Variants in SLC14A2 observed in about 807,000 individuals in gnomAD.
SLC14A2 encodes solute carrier family 14 member 2.
A neutral mutation model predicts 104.6 loss-of-function variants in SLC14A2; 91 were observed. The observed-to-expected ratio is 0.87, with a 90% CI of 0.73 to 1.04. The LOEUF is 1.04. SLC14A2 is among the 50% of genes least tolerant of loss of function. The pLI, the probability that SLC14A2 is intolerant of heterozygous loss-of-function variation, is 0.00. For missense variants in SLC14A2, 1,189 were observed against 1,156.0 expected, an observed-to-expected ratio of 1.03 and a Z score of -0.41; for synonymous variants, 476 against 466.4, an observed-to-expected ratio of 1.02 and a Z score of -0.27.
intron 1 of SLC14A2, among the ~76,000 whole-genome samples, chr18:45,316,550 T>C (rs926349629): frequency 6.6e-6 from 1 of 152,226 alleles, no homozygotes; most frequent in African/African-American, 2.4e-5. Flanking sequence ...TGAGGGCATC[T>C]GAGGACCCGA....
At position 45,233,624 on chromosome 18, in the gene SLC14A2, C is replaced by T. The variant is rs565869452; in HGVS notation, c.-125+20433C>T. 1.8e-4 allele frequency among the ~76,000 whole-genome samples: 28 copies of T among 152,304 alleles called. No homozygotes were observed. In the South Asian group the frequency reaches 5.4e-3, roughly 29 times the overall value. On this transcript the variant is annotated intron_variant, in intron 1 of 20. Transcript: ENST00000586448. ...CGATTGGACAAGTGCTTAACATCCT[C>T]ATTAAATTCCTAGTTTCCTTGGGCT...
At chr18:45,335,950 G>A (rs1156234702) in intron 1 of SLC14A2, among the ~76,000 whole-genome samples, 1 of 152,196 alleles carries the variant, frequency 6.6e-6, no homozygotes, top group African/African-American at 2.4e-5. Context: ...GCTTAATGGG[G>A]CGATAACGAG....
the SLC14A2 span, among the ~76,000 whole-genome samples, chr18:45,187,049 GTTGCC>G: frequency 6.6e-6 from 1 of 152,110 alleles, no homozygotes; most frequent in East Asian, 1.9e-4. Context: ...AGAAATTACT[GTTGCC>G]CACCGCAGCA....
chr18:45,666,276 C>A, intron 12 of SLC14A2, 57 bp downstream of exon 12: 2 of 1,165,208 alleles, frequency 1.7e-6, no homozygotes, highest in Non-Finnish European at 2.6e-6. Context: ...GAGCCCACAG[C>A]AGATGAGGGA....
chr18:45,613,385 A>T (rs1319208961), upstream of SLC14A2, among the ~76,000 whole-genome samples: 1 of 152,228 alleles, frequency 6.6e-6, no homozygotes, highest in Non-Finnish European at 1.5e-5. Flanking sequence ...ATAGTGGGAC[A>T]GTGCTATAAA....
the SLC14A2 span, chr18:45,181,020 T>TG: frequency 1.3e-5 from 2 of 152,354 alleles, no homozygotes; most frequent in African/African-American, 4.8e-5. Context: ...TGCACCACTG[T>TG]GGGCCTGGCT....
chr18:45,568,365 G>A (rs12954270), intron 2 of SLC14A2, among the ~76,000 whole-genome samples: 11 of 152,240 alleles, frequency 7.2e-5, no homozygotes, highest in Non-Finnish European at 5.9e-5. Flanking sequence ...CTCCACCAGA[G>A]AAGCAGAGGG....
At chr18:45,221,941 A>C (rs1427496941) in intron 1 of SLC14A2, among the ~76,000 whole-genome samples, 1 of 152,148 alleles carries the variant, frequency 6.6e-6, no homozygotes, top group African/African-American at 2.4e-5. Context: ...CAAAATAAGC[A>C]AGGTTGGAAG....
intron 10 of SLC14A2, among the ~76,000 whole-genome samples, chr18:45,650,825 C>T (rs965752862): frequency 2.6e-5 from 4 of 152,076 alleles, no homozygotes; most frequent in Non-Finnish European, 2.9e-5. Flanking sequence ...CTGAAACCTC[C>T]ACCTCCCAGG....
At chr18:45,564,809 C>A (rs1010453590) in intron 2 of SLC14A2, among the ~76,000 whole-genome samples, 1 of 151,990 alleles carries the variant, frequency 6.6e-6, no homozygotes, top group African/African-American at 2.4e-5. Flanking sequence ...TGGAGGTTCT[C>A]GGGGAGAGAT....
chr18:45,381,969 C>CA (rs2085842852), intron 1 of SLC14A2, among the ~76,000 whole-genome samples: 1 of 151,972 alleles, frequency 6.6e-6, no homozygotes, highest in Non-Finnish European at 1.5e-5. Context: ...CAACTGCTTG[C>CA]AAAAAACATG....
At chr18:45,246,207 G>A (rs2084366032) in intron 1 of SLC14A2, among the ~76,000 whole-genome samples, 1 of 152,138 alleles carries the variant, frequency 6.6e-6, no homozygotes, top group Non-Finnish European at 1.5e-5. Context: ...GGCCACGTGA[G>A]AACACAATGA....
intron 1 of SLC14A2, among the ~76,000 whole-genome samples, chr18:45,242,489 A>G (rs1312614525): frequency 1.3e-5 from 2 of 152,182 alleles, no homozygotes; most frequent in African/African-American, 2.4e-5. Flanking sequence ...GGGCTTTTGG[A>G]GTTTAGGTTA....
chr18:45,245,705 T>G (rs1190972381), intron 1 of SLC14A2, among the ~76,000 whole-genome samples: 2 of 152,222 alleles, frequency 1.3e-5, no homozygotes, highest in Non-Finnish European at 2.9e-5. Flanking sequence ...GGAAACTGTA[T>G]GCAGAAGAGA....
chr18:45,673,802 C>T lies in SLC14A2; in HGVS notation c.2497C>T (p.Leu833Phe). 1 of 1,614,122 alleles carries T rather than the reference C, an allele frequency of 6.2e-7. No individual in the cohort carries two copies. Among genetic ancestry groups the T allele is most frequent in the Non-Finnish European group, 8.5e-7 (1 of 1,179,948 alleles). ...FYVITWQTHL[L>F]AIACALFAAY... ...CGTCATCACCTGGCAGACGCACCTC[C>T]TCGCCATCGCCTGCGGTAGGTACTC... Residue 833 changes from leucine to phenylalanine, a missense_variant, in exon 18 of 20, where the codon CTC becomes TTC. Coordinates refer to ENST00000255226, the MANE Select transcript of SLC14A2 (RefSeq NM_007163.4).
chr18:45,574,457 T>A (rs1395953051), intron 2 of SLC14A2, among the ~76,000 whole-genome samples: 1 of 152,118 alleles, frequency 6.6e-6, no homozygotes, highest in Non-Finnish European at 1.5e-5. Context: ...GAGTTAAAGT[T>A]GAAAGCAGTA....
Position 45,516,516 on chromosome 18 carries a change from C to T in SLC14A2, c.-35+33194C>T, listed in dbSNP as rs557817387. ...GTGGGAGAGAAAGATAAGAGATGGG[C>T]TTTCTGAATCTCTGTACACTCCTCA... On this transcript the variant is annotated intron_variant, in intron 2 of 20. Coordinates refer to the SLC14A2 transcript ENST00000586448. 8.5e-5 allele frequency among the ~76,000 whole-genome samples: 13 copies of T among 152,318 alleles called. No homozygotes were observed. In the East Asian group the frequency reaches 2.5e-3, roughly 29 times the overall value.
intron 2 of SLC14A2, among the ~76,000 whole-genome samples, chr18:45,565,596 G>A (rs575670213): frequency 4.6e-5 from 7 of 152,334 alleles, no homozygotes; most frequent in African/African-American, 7.2e-5. Context: ...TCAGGAAAGC[G>A]AGGCAACTTG....
chr18:45,557,866 A>G (rs148479494), intron 2 of SLC14A2, among the ~76,000 whole-genome samples: 36 of 152,302 alleles, frequency 2.4e-4, no homozygotes, highest in African/African-American at 8.7e-4. Flanking sequence ...GACCCTTCCT[A>G]GACTGGCATC....
Sources: allele counts gnomAD v4.1 joint callset (sites outside exome capture counted in the v4.1 genomes callset), GRCh38; gene constraint gnomAD v4.1.1; transcripts MANE v1.5; gene names NCBI Gene and HGNC (gene_info 2026-07-23, HGNC 2026-07-21).